MIPOL1: variants seen among roughly 807,000 people sequenced by gnomAD.
MIPOL1 encodes the protein mirror-image polydactyly 1.
Under a neutral mutation model 60.9 loss-of-function variants are expected in MIPOL1, and 57 were observed. The observed-to-expected ratio is 0.94, with a 90% CI of 0.76 to 1.17. The LOEUF is 1.17. Among genes scored for constraint, MIPOL1 ranks in the 50% most tolerant of loss-of-function variants. The probability of loss-of-function intolerance (pLI) is 0.00; values close to 1 mark genes in which losing one functional copy is unlikely to be tolerated. For synonymous variants in MIPOL1, 179 were observed against 168.8 expected (o/e 1.06, Z -0.47); for missense variants, 551 against 511.6 (o/e 1.08, Z -0.74).
chr14:37,433,555 CTTGT>C (rs964821520), intron 11 of MIPOL1, among the ~76,000 whole-genome samples: 12 of 151,848 alleles, frequency 7.9e-5, no homozygotes, highest in African/African-American at 2.7e-4. Flanking sequence ...TGAACTCATT[CTTGT>C]TTGTTTGTTT....
intron 11 of MIPOL1, among the ~76,000 whole-genome samples, chr14:37,451,908 G>A (rs1389405208): frequency 1.4e-5 from 2 of 144,126 alleles, no homozygotes; most frequent in African/African-American, 5.4e-5. Context: ...TCCGCCTCCC[G>A]GGTTCACGCC....
intron 7 of MIPOL1, among the ~76,000 whole-genome samples, chr14:37,295,521 A>G (rs1300073472): frequency 1.3e-5 from 2 of 152,194 alleles, no homozygotes; most frequent in African/African-American, 4.8e-5. Context: ...AGTTGGATAA[A>G]GAGTCAAGAC....
At chr14:37,295,140 G>A (rs1258930353) in intron 7 of MIPOL1, among the ~76,000 whole-genome samples, 1 of 152,118 alleles carries the variant, frequency 6.6e-6, no homozygotes, top group Non-Finnish European at 1.5e-5. Flanking sequence ...AGAGAGTGGG[G>A]GCCAATATTC....
intron 7 of MIPOL1, among the ~76,000 whole-genome samples, chr14:37,286,029 C>G (rs1203979912): frequency 6.6e-6 from 1 of 152,146 alleles, no homozygotes; most frequent in African/African-American, 2.4e-5. Context: ...TTTGTTGTTT[C>G]TTCATATGTG....
At chr14:37,343,323 T>C (rs2090716437) in intron 9 of MIPOL1, among the ~76,000 whole-genome samples, 2 of 152,262 alleles carry the variant, frequency 1.3e-5, no homozygotes, top group South Asian at 4.1e-4. Context: ...GTTATTGTAA[T>C]GTGGAAAAAG....
At chr14:37,419,534 T>G (rs1246920611) in intron 10 of MIPOL1, among the ~76,000 whole-genome samples, 1 of 152,238 alleles carries the variant, frequency 6.6e-6, no homozygotes, top group African/African-American at 2.4e-5. Context: ...CTTACTTGCA[T>G]ATATGTTTAC....
chr14:37,303,252 T>C (rs1057067628), intron 7 of MIPOL1, among the ~76,000 whole-genome samples: 3 of 151,872 alleles, frequency 2.0e-5, no homozygotes, highest in Admixed American at 2.0e-4. Flanking sequence ...TCAAAGTCAG[T>C]CAATTACACA....
chr14:37,258,803 G>C (rs1365758745), intron 3 of MIPOL1, among the ~76,000 whole-genome samples: 1 of 151,912 alleles, frequency 6.6e-6, no homozygotes, highest in Non-Finnish European at 1.5e-5. Flanking sequence ...TCAATAGGAT[G>C]AATATTGATT....
intron 7 of MIPOL1, among the ~76,000 whole-genome samples, chr14:37,303,791 ATAAG>A (rs1351800440): frequency 6.6e-6 from 1 of 151,854 alleles, no homozygotes; most frequent in Non-Finnish European, 1.5e-5. Flanking sequence ...ACTTAAGTAA[ATAAG>A]TAAGTAATCA....
intron 9 of MIPOL1, among the ~76,000 whole-genome samples, chr14:37,312,621 C>G (rs1229645633): frequency 6.6e-6 from 1 of 152,064 alleles, no homozygotes. Flanking sequence ...AAAATGTTAT[C>G]TTTTTCAGAT....
At chr14:37,432,090 C>T (rs1447863013) in intron 11 of MIPOL1, among the ~76,000 whole-genome samples, 10 of 152,288 alleles carry the variant, frequency 6.6e-5, no homozygotes, top group East Asian at 5.8e-4. Flanking sequence ...TTTCTCATGT[C>T]GTCATTTCCT....
At chr14:37,326,400 A>C (rs1327062232) in intron 9 of MIPOL1, among the ~76,000 whole-genome samples, 1 of 152,192 alleles carries the variant, frequency 6.6e-6, no homozygotes, top group Non-Finnish European at 1.5e-5. Flanking sequence ...GCATTCTGTA[A>C]GTTCACAGAC....
At position 37,508,325 on chromosome 14, in the gene MIPOL1, A is replaced by G. The variant is rs117935026; in HGVS notation, c.1262+8187A>G. 7.3e-3 allele frequency among the ~76,000 whole-genome samples: 1,104 copies of G among 152,116 alleles called. 4 individuals carry two copies. The highest frequency in any genetic ancestry group is 0.012 in the Non-Finnish European group (816 of 67,970). ...CAAATTTCTTGAATAACTGATCTAT[A>G]TTCACCATCTCTAATTTTTCAATTC... On this transcript the variant is annotated intron_variant, in intron 12 of 12. Coordinates refer to ENST00000684589, the MANE Select transcript of MIPOL1 (RefSeq NM_001388067.1).
At chr14:37,276,996 C>G (rs1045672902) in intron 6 of MIPOL1, 1 of 150,914 alleles carries the variant, frequency 6.6e-6, no homozygotes, top group Non-Finnish European at 1.5e-5. Context: ...AAGAATATAA[C>G]CAATTTGTAT....
rs149438360 is a variant in MIPOL1 at position 37,269,724 on chromosome 14, A to G, written c.388-696A>G. ...TTCAGAATATTGGATTTACTAAGAT[A>G]AACTGTAAAGCAGTGCTATCTGTTA... On this transcript the variant is annotated intron_variant, in intron 5 of 12. Transcript: ENST00000684589. Among the ~76,000 whole-genome samples, 208 of 152,344 alleles carry G rather than the reference A, an allele frequency of 1.4e-3. 1 individual carries two copies. The highest frequency in any genetic ancestry group is 2.4e-3 in the Non-Finnish European group (164 of 68,024).
chr14:37,263,579 C>T (rs924646144), intron 3 of MIPOL1, among the ~76,000 whole-genome samples: 1 of 152,078 alleles, frequency 6.6e-6, no homozygotes, highest in African/African-American at 2.4e-5. Flanking sequence ...CACAGAAAAG[C>T]AAATGAAGAG....
intron 10 of MIPOL1, among the ~76,000 whole-genome samples, chr14:37,379,709 T>C (rs745480359): frequency 2.0e-5 from 3 of 152,068 alleles, no homozygotes; most frequent in Non-Finnish European, 4.4e-5. Flanking sequence ...TTCAGTTCAT[T>C]GGTGGTAGTG....
At chr14:37,373,200 G>C (rs1407553385) in intron 10 of MIPOL1, among the ~76,000 whole-genome samples, 1 of 151,912 alleles carries the variant, frequency 6.6e-6, no homozygotes, top group African/African-American at 2.4e-5. Context: ...ACGGGGTTTT[G>C]TCACAATGCC....
rs569912491 is a variant in MIPOL1, at chr14:37,268,784, C to G, written c.378C>G (p.Ser126Arg). The part of the protein sequence containing the change: ...LLKELDILRT[S>R]NKKLQQKLAK... The stretch of plus-strand genomic sequence containing the variant: ...AAGAATTGGATATTCTCAGAACAAG[C>G]AATAAAAAGGTATAATATGGAAAGT... Residue 126 changes from serine (S) to arginine (R), a missense_variant, in exon 5 of 13, where the codon AGC becomes AGG. Physicochemically the swap from Ser to Arg is moderately radical, Grantham distance 110 (BLOSUM62 -1). Transcript: ENST00000684589. 1 of 1,572,660 alleles carries G rather than the reference C, an allele frequency of 6.4e-7. No individual in the cohort carries two copies. Among genetic ancestry groups the G allele is most frequent in the South Asian group, 1.2e-5 (1 of 85,858 alleles).
Sources: gnomAD v4.1 joint callset for allele counts (sites outside exome capture counted in the v4.1 genomes callset) on GRCh38, gnomAD v4.1.1 for gene constraint, MANE v1.5 for transcripts, NCBI Gene and HGNC (gene_info 2026-07-23, HGNC 2026-07-21) for gene names.